TAF2: variants seen among roughly 807,000 people sequenced by gnomAD.
TAF2 encodes TATA-box binding protein associated factor 2.
In TAF2, 61 loss-of-function variants were observed where a neutral mutation model predicts 138.5. That is an observed-to-expected ratio of 0.44 (90% CI 0.36 to 0.54). The LOEUF (loss-of-function observed/expected upper bound fraction) is 0.54. Ranked by LOEUF, TAF2 falls within the 20% of genes least tolerant of loss-of-function variation. TAF2 has a pLI of 0.00. For missense variants in TAF2, 1,090 were observed against 1,427.9 expected, an observed-to-expected ratio of 0.76 and a Z score of 3.81; for synonymous variants, 475 against 469.9, an observed-to-expected ratio of 1.01 and a Z score of -0.14.
chr8:119,736,590 G>C (rs1315719005), intron 25 of TAF2, among the ~76,000 whole-genome samples: 1 of 152,092 alleles, frequency 6.6e-6, no homozygotes, highest in African/African-American at 2.4e-5. Flanking sequence ...ATTTATCTTT[G>C]TTTTCCTATA....
intron 24 of TAF2, 79 bp from the exon 25 acceptor site, chr8:119,742,735 A>G: frequency 8.4e-6 from 13 of 1,552,792 alleles, no homozygotes; most frequent in East Asian, 2.4e-5. Context: ...ACAGGTTTTT[A>G]TAAGCTAGCC....
chr8:119,819,974 C>G (rs190853471), intron 2 of TAF2, among the ~76,000 whole-genome samples: 4 of 152,148 alleles, frequency 2.6e-5, no homozygotes, highest in African/African-American at 9.6e-5. Flanking sequence ...ACAGGTAAAA[C>G]AGCAAGAGCT....
rs572707835 is a variant in TAF2, at chr8:119,789,843, T to C, written c.1414-97A>G. On this transcript the variant is annotated intron_variant, in intron 11 of 25. Transcript: ENST00000378164. Reference sequence around the variant, plus strand: ...ATTATAACTTTATTGTAGTCAATTATAGAAGACAATAATTTCACTATTTAT... The same window carrying C: ...ATTATAACTTTATTGTAGTCAATTACAGAAGACAATAATTTCACTATTTAT... The C allele has an allele frequency of 2.8e-5, 33 of 1,188,014 alleles. No individual in the cohort carries two copies. In the East Asian group the frequency reaches 5.2e-4, roughly 19 times the overall value. The allele number at this position is 1,188,014 out of a possible 1,614,324, so 73.6% of individuals were successfully genotyped here.
chr8:119,816,051 T>C (rs1825444954), intron 3 of TAF2, among the ~76,000 whole-genome samples: 1 of 111,498 alleles, frequency 9.0e-6, no homozygotes, highest in Non-Finnish European at 2.1e-5. Context: ...ACACTCTTTC[T>C]TTTTTTTTTT....
chr8:119,734,397 C>T (rs1447361244), intron 25 of TAF2, among the ~76,000 whole-genome samples: 1 of 152,076 alleles, frequency 6.6e-6, no homozygotes, highest in East Asian at 1.9e-4. Context: ...AACCAGCCCC[C>T]AAATCATGGT....
Position 119,762,557 on chromosome 8 carries a change from C to G in TAF2, c.2416G>C (p.Val806Leu). 1 of 1,613,688 alleles carries G rather than the reference C, an allele frequency of 6.2e-7. No homozygotes were observed. Among genetic ancestry groups the G allele is most frequent in the Non-Finnish European group, 8.5e-7 (1 of 1,179,824 alleles). ...AEMIDALANS[V>L]TPAVSVNNEV... The stretch of plus-strand genomic sequence containing the variant: ...TTATTCACACTGACTGCAGGTGTAA[C>G]AGAGTTGGCCAGGGCATCAATCATT... Residue 806 changes from valine (V) to leucine (L), a missense_variant, in exon 19 of 26, where the codon GTT (valine) becomes CTT (leucine). Around this residue, in one of 3 missense-constraint regions of TAF2, gnomAD observed 580 missense variants for 719.6 expected, o/e 0.81. Transcript: ENST00000378164.
chr8:119,817,663 C>A (rs1425611134), intron 3 of TAF2, among the ~76,000 whole-genome samples: 1 of 152,160 alleles, frequency 6.6e-6, no homozygotes, highest in Non-Finnish European at 1.5e-5. Context: ...GAGACCTGGG[C>A]AGCAACAACA....
intron 11 of TAF2, among the ~76,000 whole-genome samples, chr8:119,790,968 T>C (rs1490442770): frequency 3.5e-5 from 5 of 141,006 alleles, no homozygotes; most frequent in African/African-American, 9.9e-5. Flanking sequence ...GACTTAGTAA[T>C]AAAAATTTTT....
chr8:119,752,453 CCCTCTG>C (rs1271798538), intron 22 of TAF2, among the ~76,000 whole-genome samples: 1 of 152,118 alleles, frequency 6.6e-6, no homozygotes, highest in African/African-American at 2.4e-5. Flanking sequence ...TGACAACCTT[CCCTCTG>C]GGATATGGTC....
In TAF2 at chr8:119,757,484, T is replaced by G. The variant is rs1249337046; in HGVS notation, c.2768+589A>C. 2.0e-5 allele frequency among the ~76,000 whole-genome samples: 3 copies of G among 152,182 alleles called. No homozygotes were observed. The East Asian group carries it at 5.8e-4, about 29-fold the overall frequency. On this transcript the variant is annotated intron_variant, in intron 21 of 25. Transcript: ENST00000378164. ...GTTTGTTCTTTAGTGCATTTTAAGT[T>G]GTTATACTTTTAATTTGTTTGATGA...
chr8:119,768,473 T>A (rs1367480209), intron 18 of TAF2, among the ~76,000 whole-genome samples: 2 of 140,170 alleles, frequency 1.4e-5, no homozygotes, highest in Non-Finnish European at 3.2e-5. Flanking sequence ...ACTCCTTATT[T>A]TTTCCTCTTG....
intron 5 of TAF2, among the ~76,000 whole-genome samples, chr8:119,802,926 A>G (rs1824365557): frequency 6.6e-6 from 1 of 152,158 alleles, no homozygotes; most frequent in Non-Finnish European, 1.5e-5. Context: ...TCTACTAAAG[A>G]TATGACGAAA....
At chr8:119,796,791 T>TA (rs1425018926) in intron 8 of TAF2, among the ~76,000 whole-genome samples, 199 bp downstream of exon 8, 1 of 151,866 alleles carries the variant, frequency 6.6e-6, no homozygotes, top group Non-Finnish European at 1.5e-5. Flanking sequence ...AATTAACTAA[T>TA]AAATATAAGT....
chr8:119,747,845 T>C (rs2131013682), intron 22 of TAF2, among the ~76,000 whole-genome samples: 1 of 152,246 alleles, frequency 6.6e-6, no homozygotes, highest in South Asian at 2.1e-4. Context: ...AAACCCCGGC[T>C]AGGCATGGTG....
intron 25 of TAF2, among the ~76,000 whole-genome samples, chr8:119,733,944 T>C (rs1166505725): frequency 6.6e-6 from 1 of 152,160 alleles, no homozygotes; most frequent in Non-Finnish European, 1.5e-5. Context: ...AATGTATATG[T>C]AGTTCACAGC....
At position 119,816,226 on chromosome 8, in the gene TAF2, ATTTTTTTTT is replaced by A. The variant is rs879758425; in HGVS notation, c.299+3111_299+3119del. ...CTACTACACCCGGCTAATTTTTTGT[ATTTTTTTTT>A]TTTAGTAGAGATGGGGTTTCACTGT... On this transcript the variant is annotated intron_variant, in intron 3 of 25. Coordinates refer to ENST00000378164, the MANE Select transcript of TAF2 (RefSeq NM_003184.4). Among the ~76,000 whole-genome samples, 9 of 140,998 alleles carry A rather than the reference ATTTTTTTTT, an allele frequency of 6.4e-5. No homozygotes were observed. The Admixed American group carries it at 6.4e-4, about 10-fold the overall frequency. The allele number at this position is 140,998 out of a possible 152,430, so 92.5% of individuals were successfully genotyped here. A position where few individuals can be genotyped will look rare whatever the true frequency, so the allele number is the denominator to read the frequency against.
chr8:119,819,567 T>G, intron 2 of TAF2, 61 bp from the exon 3 acceptor site: 1 of 1,404,832 alleles, frequency 7.1e-7, no homozygotes, highest in Non-Finnish European at 1.0e-6. Flanking sequence ...AATATATTTC[T>G]TTTATTTTTA....
At chr8:119,832,427 T>C (rs1826519743) in intron 1 of TAF2, 55 bp downstream of exon 1, 16 of 1,569,680 alleles carry the variant, frequency 1.0e-5, no homozygotes, top group Non-Finnish European at 1.4e-5. Context: ...AATCGCAAAA[T>C]ATAATTAATG....
rs1042883780 is a variant in TAF2, at chr8:119,814,780, G to A, written c.299+4566C>T. On this transcript the variant is annotated intron_variant, in intron 3 of 25. Coordinates refer to ENST00000378164, the MANE Select transcript of TAF2 (RefSeq NM_003184.4). ...AAAAATTAGCCGGGTGTGGTGGTGCGTGCCTGTAGTCCCAGCTACTAGGGA... is the reference window on the plus strand; with the variant it reads ...AAAAATTAGCCGGGTGTGGTGGTGCATGCCTGTAGTCCCAGCTACTAGGGA... 6.0e-5 allele frequency among the ~76,000 whole-genome samples: 9 copies of A among 149,390 alleles called. No homozygotes were observed. The South Asian group carries it at 6.4e-4, about 11-fold the overall frequency.
Sources: allele counts gnomAD v4.1 joint callset (sites outside exome capture counted in the v4.1 genomes callset), GRCh38; gene constraint gnomAD v4.1.1; regional missense constraint gnomAD v4.1.1; transcripts MANE v1.5; gene names NCBI Gene and HGNC (gene_info 2026-07-23, HGNC 2026-07-21).